ZFHX4: variants seen among roughly 807,000 people sequenced by gnomAD.
ZFHX4 encodes the protein zinc finger homeobox protein 4.
Under a neutral mutation model 267.6 loss-of-function variants are expected in ZFHX4, and 56 were observed. That is an observed-to-expected ratio of 0.21 (90% CI 0.17 to 0.26). ZFHX4 has a LOEUF of 0.26. Ranked by LOEUF, ZFHX4 falls within the 10% of genes least tolerant of loss-of-function variation. The pLI is 1.00. For missense variants in ZFHX4, 4,332 were observed against 4,420.0 expected (o/e 0.98, Z 0.56); for synonymous variants, 1,778 against 1,665.6 (o/e 1.07, Z -1.64).
chr8:76,780,343 G>T (rs1810515685), intron 4 of ZFHX4, among the ~76,000 whole-genome samples: 1 of 152,180 alleles, frequency 6.6e-6, no homozygotes, highest in Non-Finnish European at 1.5e-5. Context: ...CTCAAGTCAG[G>T]AGTCAGCTTC....
rs552117471 is a variant in ZFHX4 at position 76,852,919 on chromosome 8, C to T, written c.5998C>T (p.Pro2000Ser). ...DKLYPISPSS[P>S]ETPPPPPPPP... is the part of the protein sequence containing the mutation. ...GCTTTATCCAATTTCTCCATCTTCT[C>T]CAGAAACGCCGCCCCCGCCACCTCC... The change falls in exon 10 of 11, where the codon CCA (proline) becomes TCA (serine). Residue 2000 changes from proline to serine, a missense_variant. Transcript: ENST00000651372. The T allele has an allele frequency of 1.1e-5, 17 of 1,602,778 alleles. No homozygotes were observed. In the East Asian group the frequency reaches 3.8e-4, roughly 36 times the overall value.
intron 3 of ZFHX4, among the ~76,000 whole-genome samples, chr8:76,754,012 T>C (rs937678775): frequency 2.6e-5 from 4 of 152,194 alleles, no homozygotes; most frequent in Non-Finnish European, 4.4e-5. Context: ...GATTCTTGAT[T>C]GTGTCTTGGA....
chr8:76,778,317 C>G lies in ZFHX4; in HGVS notation c.3203C>G (p.Ser1068Trp), dbSNP rs758193771. ...TTGAATCTGGTACAACATGTCCGTT[C>G]GGTGAAGCATCAGCAGACTGAGGGC... ...VKLNLVQHVR[S>W]VKHQQTEGLR... Residue 1068 changes from serine (S) to tryptophan (W), a missense_variant, in exon 4 of 11, where the codon TCG becomes TGG. By Grantham distance (177) the Ser-to-Trp change is radical (BLOSUM62 -3). Transcript: ENST00000651372. The G allele has an allele frequency of 6.2e-7, 1 of 1,613,808 alleles. No homozygotes were observed. The highest frequency in any genetic ancestry group is 2.2e-5 in the East Asian group (1 of 44,862).
intron 3 of ZFHX4, among the ~76,000 whole-genome samples, chr8:76,725,584 C>G (rs1808830151): frequency 6.6e-6 from 1 of 152,034 alleles, no homozygotes. Flanking sequence ...TATTTCAAGA[C>G]TTGGCTAATA....
At chr8:76,758,752 C>A (rs999333822) in intron 3 of ZFHX4, among the ~76,000 whole-genome samples, 1 of 152,110 alleles carries the variant, frequency 6.6e-6, no homozygotes, top group Non-Finnish European at 1.5e-5. Flanking sequence ...CCTTGGCCCC[C>A]CAAAGTGCTG....
At chr8:76,703,141 TA>T (rs1437812616) in intron 1 of ZFHX4, among the ~76,000 whole-genome samples, 1 of 151,918 alleles carries the variant, frequency 6.6e-6, no homozygotes, top group Non-Finnish European at 1.5e-5. Context: ...AAAAAAACTT[TA>T]AAAAAAATGA....
chr8:76,717,631 C>T (rs1433145671), intron 3 of ZFHX4, among the ~76,000 whole-genome samples: 2 of 152,174 alleles, frequency 1.3e-5, no homozygotes, highest in Non-Finnish European at 2.9e-5. Flanking sequence ...GGGTCTTGCT[C>T]TGTCACCCAG....
chr8:76,766,347 A>T (rs1391516952), intron 3 of ZFHX4, among the ~76,000 whole-genome samples: 1 of 152,152 alleles, frequency 6.6e-6, no homozygotes, highest in East Asian at 1.9e-4. Flanking sequence ...GCCTAATCAA[A>T]CCAACACATT....
intron 5 of ZFHX4, among the ~76,000 whole-genome samples, chr8:76,836,837 G>T (rs1458559344): frequency 6.6e-6 from 1 of 152,086 alleles, no homozygotes; most frequent in Admixed American, 6.6e-5. Flanking sequence ...AGAGATTAAA[G>T]GTACTGGCAG....
chr8:76,743,926 G>A (rs540015465), intron 3 of ZFHX4, among the ~76,000 whole-genome samples: 12 of 152,286 alleles, frequency 7.9e-5, no homozygotes, highest in Non-Finnish European at 1.0e-4. Context: ...GGAAGAAAGA[G>A]TTTGGCCTAT....
At chr8:76,732,980 G>A (rs1346835216) in intron 3 of ZFHX4, among the ~76,000 whole-genome samples, 1 of 151,306 alleles carries the variant, frequency 6.6e-6, no homozygotes, top group East Asian at 2.1e-4. Context: ...TCCACTCAGA[G>A]CAGAGACTAT....
intron 4 of ZFHX4, among the ~76,000 whole-genome samples, chr8:76,815,676 T>C (rs1811486981): frequency 6.6e-6 from 1 of 152,088 alleles, no homozygotes; most frequent in Non-Finnish European, 1.5e-5. Flanking sequence ...TAATTTTTTA[T>C]TTTTTGTAGA....
chr8:76,764,751 G>A (rs984894361), intron 3 of ZFHX4, among the ~76,000 whole-genome samples: 4 of 152,056 alleles, frequency 2.6e-5, no homozygotes, highest in East Asian at 1.9e-4. Context: ...TTAGTTTCAC[G>A]TTGCCATTCT....
In ZFHX4 at chr8:76,849,086, A is replaced by G; in HGVS notation, c.3603A>G (p.Lys1201=). 1 of 1,568,682 alleles carries G rather than the reference A, an allele frequency of 6.4e-7. No individual in the cohort carries two copies. ...CAAAAGAAGAGGATGTTGCAACAAA[A>G]AGGTCAAAACCTACAGAGGACAATA... The part of the protein sequence containing the change: ...LLAKEEDVAT[K]RSKPTEDNKF... The change falls in exon 7 of 11, where the codon AAA becomes AAG. Residue 1201 remains lysine (K), a synonymous_variant. Coordinates refer to ENST00000651372, the MANE Select transcript of ZFHX4 (RefSeq NM_024721.5).
chr8:76,777,766 C>G (rs1157536436), intron 3 of ZFHX4, among the ~76,000 whole-genome samples: 1 of 151,872 alleles, frequency 6.6e-6, no homozygotes, highest in Non-Finnish European at 1.5e-5. Context: ...TTAAAGTTTT[C>G]ATCTTAACTA....
intron 4 of ZFHX4, among the ~76,000 whole-genome samples, chr8:76,787,443 G>A (rs1810720340): frequency 6.6e-6 from 1 of 152,044 alleles, no homozygotes; most frequent in Admixed American, 6.5e-5. Flanking sequence ...CACAGGGTGT[G>A]TTGGAGGTCA....
chr8:76,731,873 T>C (rs1311908364), intron 3 of ZFHX4, among the ~76,000 whole-genome samples: 1 of 149,070 alleles, frequency 6.7e-6, no homozygotes, highest in Non-Finnish European at 1.5e-5. Context: ...ATTATTATTA[T>C]TATTATTATT....
intron 1 of ZFHX4, among the ~76,000 whole-genome samples, chr8:76,692,702 T>A (rs1807855215): frequency 6.6e-6 from 1 of 152,116 alleles, no homozygotes; most frequent in African/African-American, 2.4e-5. Flanking sequence ...GTTTTTTTAA[T>A]CTGTTTATTT....
chr8:76,695,972 G>A (rs1381703543), intron 1 of ZFHX4, among the ~76,000 whole-genome samples: 1 of 152,098 alleles, frequency 6.6e-6, no homozygotes, highest in Non-Finnish European at 1.5e-5. Flanking sequence ...AACTCTTATT[G>A]CATTGAAGAA....
Sources: gnomAD v4.1 joint callset for allele counts (sites outside exome capture counted in the v4.1 genomes callset) on GRCh38, gnomAD v4.1.1 for gene constraint, MANE v1.5 for transcripts, NCBI Gene and HGNC (gene_info 2026-07-23, HGNC 2026-07-21) for gene names.